CADPS2: variants seen among roughly 807,000 people sequenced by gnomAD.
CADPS2 encodes the protein calcium dependent secretion activator 2.
Under a neutral mutation model 172.5 loss-of-function variants are expected in CADPS2, and 93 were observed. The observed-to-expected ratio is 0.54, with a 90% CI of 0.46 to 0.64. CADPS2 has a LOEUF of 0.64. Ranked by LOEUF, CADPS2 falls within the 30% of genes least tolerant of loss-of-function variation. The pLI is 0.00. For synonymous variants in CADPS2, 546 were observed against 555.2 expected, an observed-to-expected ratio of 0.98 and a Z score of 0.23; for missense variants, 1,420 against 1,565.9, an observed-to-expected ratio of 0.91 and a Z score of 1.57.
At chr7:122,432,292 A>T (rs959982145) in intron 17 of CADPS2, among the ~76,000 whole-genome samples, 1 of 152,100 alleles carries the variant, frequency 6.6e-6, no homozygotes, top group Non-Finnish European at 1.5e-5. Flanking sequence ...CTCTCCATAA[A>T]ATACCTATTT....
chr7:122,756,636 C>T lies in CADPS2; in HGVS notation c.340-19568G>A, dbSNP rs138786593. ...CCCAAGGGTTGGGCGCGGTGGCACACGCCTGTAATCCCAGCACTTTGAGAG... is the reference window on the plus strand; with the variant it reads ...CCCAAGGGTTGGGCGCGGTGGCACATGCCTGTAATCCCAGCACTTTGAGAG... On this transcript the variant is annotated intron_variant, in intron 1 of 29. Transcript: ENST00000449022. 2.9e-3 allele frequency among the ~76,000 whole-genome samples: 443 copies of T among 152,278 alleles called. 2 individuals are homozygous for T. The highest frequency in any genetic ancestry group is 9.9e-3 in the African/African-American group (413 of 41,562).
intron 7 of CADPS2, among the ~76,000 whole-genome samples, chr7:122,569,000 T>A (rs562746733): frequency 6.6e-6 from 1 of 152,228 alleles, no homozygotes; most frequent in African/African-American, 2.4e-5. Flanking sequence ...TCACCACTCC[T>A]ATTCAACATA....
In CADPS2 at chr7:122,434,778, C is replaced by G. The variant is rs1218413270; in HGVS notation, c.2476+3563G>C. Among the ~76,000 whole-genome samples the G allele has an allele frequency of 2.6e-5, 4 of 152,216 alleles. No individual in the cohort carries two copies. The East Asian group carries it at 7.7e-4, about 29-fold the overall frequency. On this transcript the variant is annotated intron_variant, in intron 17 of 29. Coordinates refer to ENST00000449022, the MANE Select transcript of CADPS2 (RefSeq NM_017954.11). ...CAATTTCCTGATGGGATTTCATAAC[C>G]CTTGTTCATTCCTGTGATTAACAAC...
chr7:122,638,066 G>C (rs1160252979), intron 3 of CADPS2, among the ~76,000 whole-genome samples: 2 of 152,182 alleles, frequency 1.3e-5, no homozygotes, highest in Non-Finnish European at 2.9e-5. Context: ...TCTGTGGTCA[G>C]GGGAGAGAGA....
intron 2 of CADPS2, among the ~76,000 whole-genome samples, chr7:122,669,017 G>A (rs780463217): frequency 1.3e-5 from 2 of 152,148 alleles, no homozygotes; most frequent in Admixed American, 1.3e-4. Flanking sequence ...CACAGAGCCT[G>A]TCCTTTAGTG....
intron 1 of CADPS2, among the ~76,000 whole-genome samples, chr7:122,795,300 C>G (rs901591770): frequency 2.0e-5 from 3 of 152,064 alleles, no homozygotes; most frequent in African/African-American, 7.2e-5. Context: ...CATAGAAATA[C>G]AAACAACCAT....
At chr7:122,688,779 A>C (rs1588433848) in intron 2 of CADPS2, among the ~76,000 whole-genome samples, 1 of 152,142 alleles carries the variant, frequency 6.6e-6, no homozygotes, top group East Asian at 1.9e-4. Context: ...GGGGAGTTAT[A>C]CACCTGAGCT....
At chr7:122,380,148 C>CT (rs968973163) in intron 24 of CADPS2, among the ~76,000 whole-genome samples, 20 of 150,136 alleles carry the variant, frequency 1.3e-4, no homozygotes, top group South Asian at 4.2e-4. Context: ...ACCTGAAAGA[C>CT]TTTTTTTTTT....
chr7:122,424,231 A>C, intron 17 of CADPS2: 2 of 601,120 alleles, frequency 3.3e-6, no homozygotes, highest in East Asian at 1.4e-4. Context: ...ATTTAAAGTA[A>C]GAGTTGCAGT....
chr7:122,402,720 A>G (rs1399458894), intron 20 of CADPS2, among the ~76,000 whole-genome samples: 1 of 152,216 alleles, frequency 6.6e-6, no homozygotes, highest in Non-Finnish European at 1.5e-5. Context: ...ATTAGTAATA[A>G]ATCACAAACT....
At chr7:122,332,394 C>CTT (rs35258384) in intron 28 of CADPS2, among the ~76,000 whole-genome samples, 141 of 137,260 alleles carry the variant, frequency 1.0e-3, no homozygotes, top group Non-Finnish European at 1.7e-3. Context: ...TCTTCATCAT[C>CTT]TTTTTTTTTT....
At chr7:122,622,633 T>C (rs2075717931) in intron 4 of CADPS2, among the ~76,000 whole-genome samples, 1 of 152,192 alleles carries the variant, frequency 6.6e-6, no homozygotes, top group African/African-American at 2.4e-5. Context: ...TTTGCCAACC[T>C]GGCACTTAGG....
intron 6 of CADPS2, among the ~76,000 whole-genome samples, chr7:122,592,843 TG>T (rs1432843107): frequency 6.7e-5 from 4 of 59,402 alleles, no homozygotes; most frequent in East Asian, 9.4e-4. Flanking sequence ...TCCAGGGGGA[TG>T]GGGGGAGGGG....
At chr7:122,507,645 C>G (rs1563542419) in intron 9 of CADPS2, among the ~76,000 whole-genome samples, 1 of 152,128 alleles carries the variant, frequency 6.6e-6, no homozygotes, top group South Asian at 2.1e-4. Context: ...AGAATTTAAG[C>G]AGCAAATTGT....
intron 2 of CADPS2, among the ~76,000 whole-genome samples, chr7:122,727,287 C>G (rs373901124): frequency 6.6e-6 from 1 of 151,820 alleles, no homozygotes; most frequent in Middle Eastern, 3.2e-3. Context: ...TAGCTCTAAA[C>G]TGAGCAGCCT....
At chr7:122,528,844 A>G (rs4731059) in intron 8 of CADPS2, among the ~76,000 whole-genome samples, 27,559 of 152,034 alleles carry the variant, frequency 0.18, 3,000 homozygotes, top group East Asian at 0.29. Context: ...TAAACATTAA[A>G]GTTTTTCTAT....
intron 9 of CADPS2, among the ~76,000 whole-genome samples, chr7:122,500,950 T>C (rs1268082067): frequency 6.6e-6 from 1 of 152,086 alleles, no homozygotes; most frequent in Non-Finnish European, 1.5e-5. Context: ...CATAATAAAA[T>C]GTATAATTTA....
chr7:122,771,529 A>G (rs1328397286), intron 1 of CADPS2, among the ~76,000 whole-genome samples: 1 of 152,204 alleles, frequency 6.6e-6, no homozygotes, highest in Non-Finnish European at 1.5e-5. Flanking sequence ...CCTCTCAAGA[A>G]ATTTCCAGTG....
At chr7:122,400,767 C>G (rs1263427042) in intron 20 of CADPS2, among the ~76,000 whole-genome samples, 1 of 152,194 alleles carries the variant, frequency 6.6e-6, no homozygotes, top group East Asian at 1.9e-4. Flanking sequence ...TTATGTATAT[C>G]CAGATATATC....
Sources: allele counts gnomAD v4.1 joint callset (sites outside exome capture counted in the v4.1 genomes callset), GRCh38; gene constraint gnomAD v4.1.1; transcripts MANE v1.5; gene names NCBI Gene and HGNC (gene_info 2026-07-23, HGNC 2026-07-21).